BRD10: variants seen among roughly 807,000 people sequenced by gnomAD.
BRD10 encodes the protein bromodomain containing 10, also known as uncharacterized bromodomain-containing protein 10.
chr9:5,905,176 G>A, the BRD10 span, among the ~76,000 whole-genome samples: 18 of 152,132 alleles, frequency 1.2e-4, no homozygotes, highest in African/African-American at 3.9e-4. Flanking sequence ...CCATTTCATA[G>A]GCATTATGAG....
the BRD10 span, chr9:6,008,303 G>T: frequency 2.0e-6 from 2 of 985,012 alleles, no homozygotes; most frequent in South Asian, 9.4e-5. Context: ...CGGGCAGAAG[G>T]AGGCGGTGCA....
At chr9:5,936,247 T>C in the BRD10 span, among the ~76,000 whole-genome samples, 1 of 152,162 alleles carries the variant, frequency 6.6e-6, no homozygotes, top group Admixed American at 6.5e-5. Flanking sequence ...TCCCAGCTAC[T>C]GGGGAGGCTG....
the BRD10 span, among the ~76,000 whole-genome samples, chr9:5,947,100 C>G: frequency 6.6e-6 from 1 of 152,104 alleles, no homozygotes; most frequent in African/African-American, 2.4e-5. Flanking sequence ...TAACACAGTT[C>G]TGAAGCCAAA....
At chr9:5,922,693 C>T in the BRD10 span, 1 of 1,613,892 alleles carries the variant, frequency 6.2e-7, no homozygotes, top group Admixed American at 1.7e-5. Flanking sequence ...TAAGAACTTG[C>T]TGCATGATTT....
At chr9:5,973,834 T>A in the BRD10 span, among the ~76,000 whole-genome samples, 1 of 152,112 alleles carries the variant, frequency 6.6e-6, no homozygotes, top group African/African-American at 2.4e-5. Flanking sequence ...GTGAGCTGTG[T>A]TCATGCCATG....
chr9:5,994,901 C>CTTTTTTTTCTT, the BRD10 span, among the ~76,000 whole-genome samples: 153 of 141,696 alleles, frequency 1.1e-3, 3 homozygotes, highest in African/African-American at 3.9e-3. Flanking sequence ...TATCATTTTT[C>CTTTTTTTTCTT]TTTTTTTTTT....
chr9:6,000,515 TTC>T, the BRD10 span, among the ~76,000 whole-genome samples: 1 of 152,162 alleles, frequency 6.6e-6, no homozygotes, highest in South Asian at 2.1e-4. Flanking sequence ...TCTAGTGTTC[TTC>T]TGGGAAATAA....
At chr9:5,920,048 G>A in the BRD10 span, 3 of 1,613,950 alleles carry the variant, frequency 1.9e-6, no homozygotes, top group East Asian at 2.2e-5. Context: ...TATGAGTTGT[G>A]GTGATGTATG....
chr9:5,923,139 C>T, the BRD10 span: 91 of 1,613,834 alleles, frequency 5.6e-5, no homozygotes, highest in African/African-American at 9.9e-4. Flanking sequence ...CTTAACTTTG[C>T]CTTCTTCCTT....
the BRD10 span, among the ~76,000 whole-genome samples, chr9:5,926,218 G>A: frequency 1.8e-4 from 27 of 152,056 alleles, no homozygotes; most frequent in African/African-American, 4.8e-4. Context: ...GCCTGGCCAT[G>A]TTCTCCAATT....
chr9:5,920,936 G>T, the BRD10 span: 7 of 1,613,932 alleles, frequency 4.3e-6, no homozygotes, highest in Non-Finnish European at 5.9e-6. Context: ...TCTTGAAGAG[G>T]TATCATTTCC....
chr9:5,912,487 CATGAA>C, the BRD10 span, among the ~76,000 whole-genome samples: 1 of 152,062 alleles, frequency 6.6e-6, no homozygotes. Flanking sequence ...GAAGAAAATT[CATGAA>C]ATATTAAGAC....
chr9:5,953,280 T>C, the BRD10 span, among the ~76,000 whole-genome samples: 2 of 152,148 alleles, frequency 1.3e-5, no homozygotes, highest in African/African-American at 2.4e-5. Flanking sequence ...CTTTTGAAAA[T>C]TGACTAGACA....
chr9:5,968,689 A>C, the BRD10 span: 1 of 1,613,880 alleles, frequency 6.2e-7, no homozygotes, highest in East Asian at 2.2e-5. Flanking sequence ...TAACATAGTC[A>C]CACTTCAATT....
the BRD10 span, among the ~76,000 whole-genome samples, chr9:5,939,019 T>C: frequency 1.4e-3 from 210 of 152,252 alleles, no homozygotes; most frequent in Middle Eastern, 3.4e-3. Context: ...ATTAAAAATA[T>C]TGACTTGATA....
chr9:5,909,818 T>G, the BRD10 span: 1 of 152,186 alleles, frequency 6.6e-6, no homozygotes, highest in African/African-American at 2.4e-5. Context: ...GGATCAGAGA[T>G]TCTGGAATGG....
At chr9:5,884,430 T>A in the BRD10 span, among the ~76,000 whole-genome samples, 1 of 152,226 alleles carries the variant, frequency 6.6e-6, no homozygotes, top group Non-Finnish European at 1.5e-5. Flanking sequence ...TCCAGCCATA[T>A]GGAACGACTC....
At chr9:5,941,778 T>G in the BRD10 span, among the ~76,000 whole-genome samples, 1 of 152,086 alleles carries the variant, frequency 6.6e-6, no homozygotes, top group African/African-American at 2.4e-5. Context: ...AAATAAAGTT[T>G]ACTAATTAAA....
At chr9:5,964,229 T>C in the BRD10 span, among the ~76,000 whole-genome samples, 1 of 141,226 alleles carries the variant, frequency 7.1e-6, no homozygotes, top group Admixed American at 7.0e-5. Flanking sequence ...AACAACCCCA[T>C]CAAAAAGTGG....
Sources: allele counts gnomAD v4.1 joint callset (sites outside exome capture counted in the v4.1 genomes callset), GRCh38; gene constraint gnomAD v4.1.1; transcripts MANE v1.5; gene names NCBI Gene and HGNC (gene_info 2026-07-23, HGNC 2026-07-21).